The following GALNT14 variants were observed in gnomAD, a reference collection of about 807,000 sequenced individuals.
GALNT14 encodes the protein polypeptide N-acetylgalactosaminyltransferase 14, also known as UDP-GalNAc:polypeptide N-acetylgalactosaminyltransferase 14.
Under a neutral mutation model 77.5 loss-of-function variants are expected in GALNT14, and 60 were observed. The observed-to-expected ratio is 0.77, with a 90% confidence interval of 0.63 to 0.96. The LOEUF (loss-of-function observed/expected upper bound fraction) is 0.96. Ranked by LOEUF, GALNT14 falls within the 40% of genes least tolerant of loss-of-function variation. The probability of loss-of-function intolerance (pLI) is 0.00; values close to 1 mark genes in which losing one functional copy is unlikely to be tolerated. For missense variants in GALNT14, 710 were observed against 731.0 expected (o/e 0.97, Z 0.33); for synonymous variants, 280 against 281.7 (o/e 0.99, Z 0.06).
chr2:30,974,627 T>G (rs1668535307), intron 2 of GALNT14, among the ~76,000 whole-genome samples: 1 of 152,228 alleles, frequency 6.6e-6, no homozygotes, highest in Non-Finnish European at 1.5e-5. Context: ...CCAGGCTATT[T>G]TTTCCTCTTC....
At chr2:31,078,049 C>T (rs922952074) in intron 1 of GALNT14, among the ~76,000 whole-genome samples, 16 of 152,330 alleles carry the variant, frequency 1.1e-4, no homozygotes, top group Non-Finnish European at 1.5e-4. Flanking sequence ...GAGGACATTG[C>T]TATGTGCCAG....
intron 1 of GALNT14, among the ~76,000 whole-genome samples, chr2:31,130,607 G>A (rs1309810209): frequency 1.3e-5 from 2 of 152,140 alleles, no homozygotes; most frequent in African/African-American, 4.8e-5. Context: ...GCCCTGGGAT[G>A]GCAGCAGCCA....
At chr2:30,888,221 A>C in the GALNT14 span, among the ~76,000 whole-genome samples, 1 of 152,224 alleles carries the variant, frequency 6.6e-6, no homozygotes, top group Middle Eastern at 3.2e-3. Flanking sequence ...AGACTGAGCT[A>C]GCTTGCTGCT....
At chr2:30,888,561 G>A in the GALNT14 span, among the ~76,000 whole-genome samples, 5 of 152,166 alleles carry the variant, frequency 3.3e-5, no homozygotes, top group Non-Finnish European at 5.9e-5. Flanking sequence ...CTCACTGGTC[G>A]CTGGGAAGGG....
At chr2:30,971,498 T>C (rs2148354070) in intron 2 of GALNT14, among the ~76,000 whole-genome samples, 1 of 152,170 alleles carries the variant, frequency 6.6e-6, no homozygotes, top group South Asian at 2.1e-4. Context: ...AAGGCATGCT[T>C]TTCTAAGCTG....
At position 30,912,274 on chromosome 2, in the gene GALNT14, G is replaced by A. The variant is rs267599340; in HGVS notation, c.1449C>T (p.Phe483=). 3 of 1,614,070 alleles carry A rather than the reference G, an allele frequency of 1.9e-6. No individual in the cohort carries two copies. Among genetic ancestry groups the A allele is most frequent in the Non-Finnish European group, 2.5e-6 (3 of 1,180,040 alleles). ...EELCLSVITL[F]PGAPVVLVLC... ...GGACAAGAACCACTGGGGCGCCAGG[G>A]AACAAGGTGATGACTGACAGGCACA... is the stretch of plus-strand genomic sequence containing the variant. The change falls in exon 14 of 15, where the codon TTC becomes TTT. Residue 483 remains phenylalanine (F), a synonymous_variant. Coordinates refer to ENST00000349752, the MANE Select transcript of GALNT14 (RefSeq NM_024572.4).
intron 2 of GALNT14, among the ~76,000 whole-genome samples, chr2:30,992,414 C>A (rs1669758110): frequency 6.6e-6 from 1 of 152,184 alleles, no homozygotes; most frequent in African/African-American, 2.4e-5. Context: ...CTCTCCCAGT[C>A]ACAGAAAACA....
chr2:30,958,526 C>T, intron 3 of GALNT14, 62 bp from the exon 4 acceptor site: 1 of 1,347,608 alleles, frequency 7.4e-7, no homozygotes, highest in Non-Finnish European at 1.1e-6. Context: ...ATGTACTAAC[C>T]CGAGTTTTAA....
At position 30,947,371 on chromosome 2, in the gene GALNT14, A is replaced by G. The variant is rs545175044; in HGVS notation, c.655-1501T>C. Among the ~76,000 whole-genome samples the G allele has an allele frequency of 2.1e-4, 32 of 152,302 alleles. No individual in the cohort carries two copies. The South Asian group carries it at 6.4e-3, about 31-fold the overall frequency. On this transcript the variant is annotated intron_variant, in intron 6 of 14. Transcript: ENST00000349752. ...AGCCTCATTACTTGCTACGTCCCTC[A>G]GGCCACCCCATCTACGGCATCAAAA...
At chr2:31,027,841 G>A (rs980286117) in intron 1 of GALNT14, among the ~76,000 whole-genome samples, 2 of 151,252 alleles carry the variant, frequency 1.3e-5, no homozygotes, top group Non-Finnish European at 2.9e-5. Context: ...TAAGCAACAA[G>A]TGCTGCCTGG....
chr2:31,124,283 A>G (rs1380228434), intron 1 of GALNT14, among the ~76,000 whole-genome samples: 1 of 152,106 alleles, frequency 6.6e-6, no homozygotes, highest in Non-Finnish European at 1.5e-5. Flanking sequence ...TCTTAGTTCC[A>G]CCAATTATTC....
chr2:31,050,693 G>A (rs971523465), intron 1 of GALNT14, among the ~76,000 whole-genome samples: 1 of 151,996 alleles, frequency 6.6e-6, no homozygotes, highest in African/African-American at 2.4e-5. Context: ...GGGGGAACTG[G>A]GTGAGGGGTA....
At chr2:31,134,077 A>T (rs894115543) in intron 1 of GALNT14, among the ~76,000 whole-genome samples, 1 of 152,194 alleles carries the variant, frequency 6.6e-6, no homozygotes, top group African/African-American at 2.4e-5. Context: ...TCCTGTCACT[A>T]GGTGAGTGGA....
intron 11 of GALNT14, among the ~76,000 whole-genome samples, chr2:30,926,978 AGTTT>A (rs1665424967): frequency 6.6e-6 from 1 of 152,108 alleles, no homozygotes; most frequent in Admixed American, 6.6e-5. Flanking sequence ...GGGTTTTTGT[AGTTT>A]GTTTTCTTTC....
Position 31,093,496 on chromosome 2 carries a change from C to G in GALNT14, c.129+44462G>C, listed in dbSNP as rs138149839. Among the ~76,000 whole-genome samples, 14 of 152,312 alleles carry G rather than the reference C, an allele frequency of 9.2e-5. No individual in the cohort carries two copies. The East Asian group carries it at 2.7e-3, about 29-fold the overall frequency. Reference sequence around the variant, plus strand: ...GGGAATCTAAGGTTCTATTAGCCATCTAGAGGAGAGGCCATGTCCCCTTGA... The same window carrying G: ...GGGAATCTAAGGTTCTATTAGCCATGTAGAGGAGAGGCCATGTCCCCTTGA... On this transcript the variant is annotated intron_variant, in intron 1 of 14. Transcript: ENST00000349752.
chr2:31,119,634 A>C (rs1251714019), intron 1 of GALNT14, among the ~76,000 whole-genome samples: 3 of 152,240 alleles, frequency 2.0e-5, no homozygotes, highest in Non-Finnish European at 2.9e-5. Flanking sequence ...AGCAATCTTA[A>C]AATATACATA....
chr2:31,034,021 A>G (rs1053442218), intron 1 of GALNT14, among the ~76,000 whole-genome samples: 2 of 152,250 alleles, frequency 1.3e-5, no homozygotes, highest in African/African-American at 4.8e-5. Context: ...CCAGGCAAGC[A>G]TTGCTATTCT....
chr2:31,134,641 A>C (rs1679146145), intron 1 of GALNT14, among the ~76,000 whole-genome samples: 1 of 152,198 alleles, frequency 6.6e-6, no homozygotes, highest in Admixed American at 6.5e-5. Flanking sequence ...TTCCAAGGGC[A>C]GGGGTGATGT....
At chr2:30,911,791 C>G (rs1664378936) in intron 14 of GALNT14, among the ~76,000 whole-genome samples, 1 of 152,214 alleles carries the variant, frequency 6.6e-6, no homozygotes, top group African/African-American at 2.4e-5. Flanking sequence ...GGAGACATCA[C>G]TTTGCTGCTA....
Sources: allele counts gnomAD v4.1 joint callset (sites outside exome capture counted in the v4.1 genomes callset), GRCh38; gene constraint gnomAD v4.1.1; transcripts MANE v1.5; gene names NCBI Gene and HGNC (gene_info 2026-07-23, HGNC 2026-07-21).